Variants in CDH13 observed in about 807,000 individuals in gnomAD.
The protein encoded by CDH13 is cadherin 13.
Under a neutral mutation model 63.8 loss-of-function variants are expected in CDH13, and 24 were observed. That is an observed-to-expected ratio of 0.38 (90% confidence interval 0.27 to 0.53). CDH13 has a LOEUF of 0.53. CDH13 is among the 20% of genes least tolerant of loss of function. CDH13 has a pLI of 0.85. For missense variants in CDH13, 1,049 were observed against 903.1 expected (o/e 1.16, Z -2.07); for synonymous variants, 503 against 355.3 (o/e 1.42, Z -4.67).
At chr16:83,408,009 C>A (rs1015783772) in intron 6 of CDH13, among the ~76,000 whole-genome samples, 1 of 152,144 alleles carries the variant, frequency 6.6e-6, no homozygotes, top group African/African-American at 2.4e-5. Flanking sequence ...GTGTCACCAC[C>A]CTGCTAGCAT....
At chr16:83,001,982 T>A (rs1415685996) in intron 2 of CDH13, among the ~76,000 whole-genome samples, 2 of 152,146 alleles carry the variant, frequency 1.3e-5, no homozygotes, top group Non-Finnish European at 2.9e-5. Context: ...CCAACCACAT[T>A]CCAGGGACTG....
In CDH13 at chr16:82,788,089, C is replaced by G. The variant is rs74028295; in HGVS notation, c.46-70273C>G. On this transcript the variant is annotated intron_variant, in intron 1 of 13. Transcript: ENST00000567109. ...AGTCAGTGCTCTCTGGAGGCTATAA[C>G]CAAATATAATTTGCCACATAAACAT... Among the ~76,000 whole-genome samples, 632 of 152,176 alleles carry G rather than the reference C, an allele frequency of 4.2e-3. 5 individuals are homozygous for G. Among genetic ancestry groups the G allele is most frequent in the African/African-American group, 0.015 (609 of 41,506 alleles).
chr16:82,684,758 G>A (rs1221848810), intron 1 of CDH13, among the ~76,000 whole-genome samples: 1 of 152,156 alleles, frequency 6.6e-6, no homozygotes, highest in African/African-American at 2.4e-5. Context: ...CGGCATTTGA[G>A]AATTATCCTC....
At chr16:82,748,042 A>G (rs1411380590) in intron 1 of CDH13, among the ~76,000 whole-genome samples, 1 of 152,182 alleles carries the variant, frequency 6.6e-6, no homozygotes, top group African/African-American at 2.4e-5. Context: ...AGAGAAATCC[A>G]TGTTAAATGC....
At chr16:82,868,649 G>C (rs2040237895) in intron 2 of CDH13, among the ~76,000 whole-genome samples, 1 of 152,234 alleles carries the variant, frequency 6.6e-6, no homozygotes. Context: ...TAGAATGGAA[G>C]AGATAAATAG....
chr16:82,898,953 A>G (rs2041364143), intron 2 of CDH13, among the ~76,000 whole-genome samples: 1 of 152,236 alleles, frequency 6.6e-6, no homozygotes, highest in Non-Finnish European at 1.5e-5. Flanking sequence ...GGAAGGGGCA[A>G]AACCTTGGAT....
intron 1 of CDH13, among the ~76,000 whole-genome samples, chr16:82,691,438 C>G (rs9922447): frequency 0.31 from 46,883 of 152,008 alleles, 7,465 homozygotes; most frequent in Middle Eastern, 0.42. Flanking sequence ...AATGGGTGTC[C>G]CAGCCTCCCT....
chr16:82,629,540 A>G (rs537872067), intron 1 of CDH13, among the ~76,000 whole-genome samples: 1 of 152,358 alleles, frequency 6.6e-6, no homozygotes, highest in South Asian at 2.1e-4. Context: ...GGCAGAGAGA[A>G]AACAGAAGGG....
intron 6 of CDH13, among the ~76,000 whole-genome samples, chr16:83,467,220 C>T (rs1340098747): frequency 6.6e-6 from 1 of 152,136 alleles, no homozygotes; most frequent in Non-Finnish European, 1.5e-5. Context: ...CAAGAGAAAA[C>T]AAATACACCG....
chr16:82,844,026 C>T (rs1042317278), intron 1 of CDH13, among the ~76,000 whole-genome samples: 7 of 152,160 alleles, frequency 4.6e-5, no homozygotes, highest in Non-Finnish European at 8.8e-5. Flanking sequence ...GTAAGCTTCT[C>T]ATGGGCTGTG....
At chr16:83,384,754 T>G (rs1246920543) in intron 6 of CDH13, among the ~76,000 whole-genome samples, 1 of 152,230 alleles carries the variant, frequency 6.6e-6, no homozygotes, top group African/African-American at 2.4e-5. Flanking sequence ...TAATGATGAA[T>G]CTTTCCTGTC....
At chr16:83,152,781 G>A (rs890442916) in intron 4 of CDH13, among the ~76,000 whole-genome samples, 1 of 152,192 alleles carries the variant, frequency 6.6e-6, no homozygotes, top group African/African-American at 2.4e-5. Flanking sequence ...GCTTTCCTTG[G>A]AAATAGGGTT....
At chr16:83,698,827 G>C (rs76931293) in intron 10 of CDH13, among the ~76,000 whole-genome samples, 3,094 of 152,344 alleles carry the variant, frequency 0.02, 112 homozygotes, top group African/African-American at 0.071. Flanking sequence ...CACACAATCT[G>C]TGTCTCAGCT....
At chr16:83,409,680 C>T (rs749903900) in intron 6 of CDH13, among the ~76,000 whole-genome samples, 1 of 152,180 alleles carries the variant, frequency 6.6e-6, no homozygotes, top group East Asian at 1.9e-4. Flanking sequence ...ATGGCATCTC[C>T]CACACATGAA....
intron 2 of CDH13, among the ~76,000 whole-genome samples, chr16:82,909,832 A>T (rs916251658): frequency 2.6e-5 from 4 of 152,214 alleles, no homozygotes; most frequent in African/African-American, 9.6e-5. Flanking sequence ...TACTTCGCAT[A>T]TCATGTATAG....
intron 2 of CDH13, among the ~76,000 whole-genome samples, chr16:82,958,539 G>T (rs995375703): frequency 2.6e-5 from 4 of 152,222 alleles, no homozygotes; most frequent in Admixed American, 2.0e-4. Context: ...CACAGTCGGG[G>T]AGGAGAGGGC....
At chr16:83,452,655 CATG>C (rs1351805484) in intron 6 of CDH13, among the ~76,000 whole-genome samples, 1 of 151,834 alleles carries the variant, frequency 6.6e-6, no homozygotes, top group Non-Finnish European at 1.5e-5. Flanking sequence ...CAAAGACAAA[CATG>C]ATATTTAAAG....
chr16:82,933,909 C>A (rs983348768), intron 2 of CDH13, among the ~76,000 whole-genome samples: 1 of 152,206 alleles, frequency 6.6e-6, no homozygotes, highest in East Asian at 1.9e-4. Flanking sequence ...GCAGCTTTGT[C>A]CCTGTGGCTT....
intron 6 of CDH13, among the ~76,000 whole-genome samples, chr16:83,353,750 C>A (rs1282854396): frequency 6.6e-6 from 1 of 152,208 alleles, no homozygotes; most frequent in African/African-American, 2.4e-5. Context: ...TCTCCTCTGC[C>A]CATCACCCAT....
Sources: gnomAD v4.1 joint callset for allele counts (sites outside exome capture counted in the v4.1 genomes callset) on GRCh38, gnomAD v4.1.1 for gene constraint, MANE v1.5 for transcripts, NCBI Gene and HGNC (gene_info 2026-07-23, HGNC 2026-07-21) for gene names.